Variants in GLMN observed in about 807,000 individuals in gnomAD.
GLMN encodes the protein glomulin, FKBP associated protein.
GLMN carries 75 observed loss-of-function variants against 87.8 expected under a neutral mutation model. The ratio of observed to expected loss-of-function variants is 0.85; its 90% CI spans 0.71 to 1.04. The LOEUF is 1.04. GLMN is among the 50% of genes least tolerant of loss of function. GLMN has a pLI of 0.00. For missense variants in GLMN, 588 were observed against 658.8 expected (o/e 0.89, Z 1.18); for synonymous variants, 206 against 221.6 (o/e 0.93, Z 0.63).
intron 3 of GLMN, among the ~76,000 whole-genome samples, chr1:92,297,167 G>T (rs1650183697): frequency 1.4e-5 from 2 of 147,338 alleles, no homozygotes. Context: ...GCCCAGGCTG[G>T]TCTCAAACTC....
intron 15 of GLMN, 101 bp from the exon 16 acceptor site, chr1:92,263,027 C>A: frequency 1.7e-6 from 1 of 582,330 alleles, no homozygotes; most frequent in South Asian, 1.9e-5. Context: ...ATTAGGTTTG[C>A]CAATAGAAAC....
chr1:92,254,937 G>GC (rs1277472784), intron 16 of GLMN, among the ~76,000 whole-genome samples: 5 of 152,146 alleles, frequency 3.3e-5, no homozygotes, highest in African/African-American at 1.2e-4. Context: ...TGGGCTAAAT[G>GC]CCCCAATTAA....
upstream of GLMN, chr1:92,300,204 G>A (rs72958781): frequency 0.012 from 19,213 of 1,609,344 alleles, 556 homozygotes; most frequent in African/African-American, 0.11. Context: ...GTACTAAACA[G>A]ACAAGTACTT....
At chr1:92,261,120 A>C (rs181588759) in intron 16 of GLMN, among the ~76,000 whole-genome samples, 52 of 152,306 alleles carry the variant, frequency 3.4e-4, no homozygotes, top group African/African-American at 9.1e-4. Flanking sequence ...CAGGGCCTCT[A>C]CTGCTGCTGA....
At chr1:92,338,349 G>A in the GLMN span, among the ~76,000 whole-genome samples, 1 of 152,218 alleles carries the variant, frequency 6.6e-6, no homozygotes, top group Admixed American at 6.5e-5. Context: ...AAGAGGATTT[G>A]AGCAAAATAA....
chr1:92,299,044 G>C, upstream of GLMN: 3 of 1,365,424 alleles, frequency 2.2e-6, no homozygotes, highest in Non-Finnish European at 3.0e-6. Context: ...ACGCCGGAGC[G>C]TGTCCCCGTC....
chr1:92,264,004 CA>C (rs1485798176), intron 14 of GLMN, among the ~76,000 whole-genome samples: 1 of 151,994 alleles, frequency 6.6e-6, no homozygotes, highest in Non-Finnish European at 1.5e-5. Context: ...TATAACAAAG[CA>C]AAAATAAGCC....
chr1:92,289,284 T>A, intron 5 of GLMN, 133 bp from the exon 6 acceptor site: 1 of 737,008 alleles, frequency 1.4e-6, no homozygotes, highest in Non-Finnish European at 2.5e-6. Context: ...CACATCACAG[T>A]CTAATTGGCA....
At chr1:92,328,573 T>G in the GLMN span, among the ~76,000 whole-genome samples, 1 of 152,234 alleles carries the variant, frequency 6.6e-6, no homozygotes, top group Non-Finnish European at 1.5e-5. Context: ...TTGATTTCTT[T>G]AAGTTGGGCC....
At position 92,295,840 on chromosome 1, in the gene GLMN, A is replaced by G. The variant is rs1490007206; in HGVS notation, c.165+1564T>C. ...TTAATAAATGTAAAGGACTAAAGACAGCATCTGGTACATGTAAACATGCAA... is the reference window on the plus strand; with the variant it reads ...TTAATAAATGTAAAGGACTAAAGACGGCATCTGGTACATGTAAACATGCAA... On this transcript the variant is annotated intron_variant, in intron 3 of 18. Coordinates refer to ENST00000370360, the MANE Select transcript of GLMN (RefSeq NM_053274.3). Among the ~76,000 whole-genome samples the G allele has an allele frequency of 7.9e-5, 12 of 152,386 alleles. No homozygotes were observed. The East Asian group carries it at 2.3e-3, about 29-fold the overall frequency.
chr1:92,290,028 ATCTT>A (rs1462234403), intron 5 of GLMN, among the ~76,000 whole-genome samples, 166 bp downstream of exon 5: 1 of 152,218 alleles, frequency 6.6e-6, no homozygotes, highest in Non-Finnish European at 1.5e-5. Flanking sequence ...AGATACTATA[ATCTT>A]TCTATGAGCA....
chr1:92,348,391 T>C, the GLMN span, among the ~76,000 whole-genome samples: 1 of 152,236 alleles, frequency 6.6e-6, no homozygotes, highest in African/African-American at 2.4e-5. Context: ...TTGGTCACTA[T>C]AGACACCAAG....
At chr1:92,265,089 C>T (rs1291958195) in intron 13 of GLMN, among the ~76,000 whole-genome samples, 1 of 152,176 alleles carries the variant, frequency 6.6e-6, no homozygotes, top group Non-Finnish European at 1.5e-5. Context: ...GATCCGCCTG[C>T]CTCAGCCTCC....
At chr1:92,246,951 G>A (rs560509557) in intron 18 of GLMN, 111 bp downstream of exon 18, 3 of 757,822 alleles carry the variant, frequency 4.0e-6, no homozygotes, top group South Asian at 2.8e-5. Context: ...TGAGCCCAGG[G>A]AGTTGAAGCT....
the GLMN span, chr1:92,304,096 A>G: frequency 6.7e-7 from 1 of 1,498,404 alleles, no homozygotes; most frequent in Non-Finnish European, 9.2e-7. Flanking sequence ...CATTTTTTTT[A>G]AAATATAGGC....
At chr1:92,353,967 T>A in the GLMN span, among the ~76,000 whole-genome samples, 1 of 152,322 alleles carries the variant, frequency 6.6e-6, no homozygotes, top group Non-Finnish European at 1.5e-5. Flanking sequence ...GCTACTCTTT[T>A]TTTTATTCAT....
At chr1:92,317,248 A>G in the GLMN span, among the ~76,000 whole-genome samples, 1 of 152,094 alleles carries the variant, frequency 6.6e-6, no homozygotes, top group East Asian at 1.9e-4. Flanking sequence ...GTGGCTCACA[A>G]CTGTAATCCC....
the GLMN span, among the ~76,000 whole-genome samples, chr1:92,344,774 A>T: frequency 2.0e-5 from 3 of 152,122 alleles, no homozygotes; most frequent in African/African-American, 4.8e-5. Context: ...TCATTTTTCC[A>T]GGTGGATGGA....
Position 92,260,188 on chromosome 1 carries a change from G to A in GLMN, c.1473+2675C>T, listed in dbSNP as rs528836694. 3.3e-5 allele frequency among the ~76,000 whole-genome samples: 5 copies of A among 152,250 alleles called. No homozygotes were observed. In the East Asian group the frequency reaches 5.8e-4, roughly 18 times the overall value. ...TTTCAAGATAGACAGGCTTTTAAGCGCCTAAAAGATGTGAGGCTGCCAGCT... is the reference window on the plus strand; with the variant it reads ...TTTCAAGATAGACAGGCTTTTAAGCACCTAAAAGATGTGAGGCTGCCAGCT... On this transcript the variant is annotated intron_variant, in intron 16 of 18. Coordinates refer to ENST00000370360, the MANE Select transcript of GLMN (RefSeq NM_053274.3).
Sources: allele counts gnomAD v4.1 joint callset (sites outside exome capture counted in the v4.1 genomes callset), GRCh38; gene constraint gnomAD v4.1.1; transcripts MANE v1.5; gene names NCBI Gene and HGNC (gene_info 2026-07-23, HGNC 2026-07-21).